The following TENM1 variants were observed in gnomAD, a reference collection of about 807,000 sequenced individuals.
TENM1 encodes the protein teneurin transmembrane protein 1, also known as teneurin-1.
TENM1 carries 35 observed loss-of-function variants against 174.8 expected under a neutral mutation model. That is an observed-to-expected ratio of 0.20 (90% confidence interval 0.15 to 0.27). The LOEUF is 0.27. TENM1 is among the 10% of genes least tolerant of loss of function. The pLI is 1.00. For synonymous variants in TENM1, 781 were observed against 798.7 expected (o/e 0.98, Z 0.37); for missense variants, 1,633 against 2,130.1 (o/e 0.77, Z 4.59).
At chrX:125,056,175 A>C in the TENM1 span, among the ~76,000 whole-genome samples, 1 of 111,534 alleles carries the variant, frequency 9.0e-6, no homozygotes, top group Admixed American at 9.6e-5. Flanking sequence ...TCTCTTCATC[A>C]ATATAAATTC....
chrX:124,679,732 T>C (rs2148450952), intron 5 of TENM1, among the ~76,000 whole-genome samples: 1 of 111,935 alleles, frequency 8.9e-6, no homozygotes, highest in Non-Finnish European at 1.9e-5. Context: ...AAACTATTAG[T>C]TTCAGAGAAG....
intron 3 of TENM1, among the ~76,000 whole-genome samples, chrX:124,857,414 T>G (rs1380594202): frequency 9.0e-6 from 1 of 111,721 alleles, no homozygotes; most frequent in Non-Finnish European, 1.9e-5. Flanking sequence ...TATCTGGCAA[T>G]TAAAAGGAAT....
intron 4 of TENM1, among the ~76,000 whole-genome samples, chrX:124,711,171 T>C (rs770229554): frequency 9.0e-6 from 1 of 111,302 alleles, no homozygotes; most frequent in South Asian, 3.8e-4. Context: ...AGGCAAGATA[T>C]TACCAAAAGG....
At chrX:124,988,039 AAAAG>A in the TENM1 span, among the ~76,000 whole-genome samples, 1 of 111,822 alleles carries the variant, frequency 8.9e-6, no homozygotes, top group African/African-American at 3.2e-5. Flanking sequence ...TAAATAAAAT[AAAAG>A]TAGTTTATAC....
At chrX:124,456,377 G>A (rs1004117934) in intron 22 of TENM1, among the ~76,000 whole-genome samples, 2 of 111,816 alleles carry the variant, frequency 1.8e-5, no homozygotes, top group South Asian at 3.7e-4. Context: ...TAAATGTACC[G>A]AGCATATTTT....
chrX:124,479,029 G>A (rs777499088), intron 22 of TENM1, among the ~76,000 whole-genome samples: 3 of 112,524 alleles, frequency 2.7e-5, no homozygotes, highest in Admixed American at 9.4e-5. Context: ...ACAAAGGTGA[G>A]TGCTGACTAT....
chrX:124,919,187 T>C (rs1603276237), intron 1 of TENM1, among the ~76,000 whole-genome samples: 1 of 112,288 alleles, frequency 8.9e-6, no homozygotes, highest in Non-Finnish European at 1.9e-5. Flanking sequence ...ATAGTGGTAC[T>C]CTGATTTGTC....
intron 3 of TENM1, among the ~76,000 whole-genome samples, chrX:124,822,800 T>C (rs1446376820): frequency 8.9e-6 from 1 of 111,827 alleles, no homozygotes. Flanking sequence ...TGCAGCTGAA[T>C]AAGCCTGGAG....
At chrX:124,990,050 C>T in the TENM1 span, among the ~76,000 whole-genome samples, 1 of 111,306 alleles carries the variant, frequency 9.0e-6, no homozygotes, top group Non-Finnish European at 1.9e-5. Flanking sequence ...GTTGAACTTG[C>T]TAAAATTTTT....
At chrX:124,522,195 C>G (rs889370216) in intron 17 of TENM1, among the ~76,000 whole-genome samples, 1 of 111,249 alleles carries the variant, frequency 9.0e-6, no homozygotes, top group Non-Finnish European at 1.9e-5. Context: ...GCTCTTTGGA[C>G]TGCTTTTCCT....
intron 14 of TENM1, among the ~76,000 whole-genome samples, chrX:124,554,262 A>G (rs985869667): frequency 4.4e-5 from 5 of 112,693 alleles, no homozygotes; most frequent in African/African-American, 9.7e-5. Flanking sequence ...TTCATTGATA[A>G]CACACTTTTA....
At chrX:124,454,414 T>TG (rs954868110) in intron 22 of TENM1, among the ~76,000 whole-genome samples, 21 of 109,175 alleles carry the variant, frequency 1.9e-4, no homozygotes, top group Non-Finnish European at 3.2e-4. Flanking sequence ...TGTTTTTTTT[T>TG]TTTGTTTTTG....
intron 20 of TENM1, 23 bp from the exon 24 acceptor site, chrX:124,487,252 G>A (rs1164008129): frequency 1.8e-5 from 21 of 1,159,786 alleles, no homozygotes; most frequent in Middle Eastern, 2.3e-4. Flanking sequence ...AGGTATCCAC[G>A]AGTGGCAAGC....
At chrX:125,001,925 T>TCACACACACACACACA in the TENM1 span, among the ~76,000 whole-genome samples, 2 of 67,271 alleles carry the variant, frequency 3.0e-5, no homozygotes, top group African/African-American at 1.1e-4. Context: ...TCTAGAGAGA[T>TCACACACACACACACA]CACACACACA....
At chrX:124,756,891 T>C (rs1249497460) in intron 3 of TENM1, among the ~76,000 whole-genome samples, 1 of 111,769 alleles carries the variant, frequency 8.9e-6, no homozygotes, top group Non-Finnish European at 1.9e-5. Context: ...GAGGTGTCAG[T>C]GTGCCCCTAC....
intron 14 of TENM1, among the ~76,000 whole-genome samples, chrX:124,551,557 C>T (rs868362703): frequency 9.6e-6 from 1 of 103,681 alleles, no homozygotes; most frequent in African/African-American, 3.5e-5. Flanking sequence ...CACACACATA[C>T]ACACACACTC....
At chrX:124,719,521 T>A (rs888219929) in intron 4 of TENM1, among the ~76,000 whole-genome samples, 1 of 111,451 alleles carries the variant, frequency 9.0e-6, no homozygotes, top group African/African-American at 3.3e-5. Context: ...TAAGAAACAG[T>A]CAAATTCAGC....
intron 5 of TENM1, among the ~76,000 whole-genome samples, chrX:124,676,117 G>T (rs1443735719): frequency 1.9e-5 from 2 of 103,559 alleles, no homozygotes; most frequent in African/African-American, 6.9e-5. Context: ...CAACAAATAA[G>T]AATTAGAAAG....
intron 3 of TENM1, among the ~76,000 whole-genome samples, chrX:124,839,904 T>A (rs2056464251): frequency 9.0e-6 from 1 of 111,462 alleles, no homozygotes; most frequent in Non-Finnish European, 1.9e-5. Context: ...TTATAGTAAA[T>A]CCTTGATGGC....
Sources: gnomAD v4.1 joint callset for allele counts (sites outside exome capture counted in the v4.1 genomes callset) on GRCh38, gnomAD v4.1.1 for gene constraint, MANE v1.5 for transcripts, NCBI Gene and HGNC (gene_info 2026-07-23, HGNC 2026-07-21) for gene names.